Variants in THADA observed in about 807,000 individuals in gnomAD.
THADA encodes tRNA (32-2'-O)-methyltransferase regulator THADA.
A neutral mutation model predicts 219.8 loss-of-function variants in THADA; 213 were observed. The ratio of observed to expected loss-of-function variants is 0.97; its 90% CI spans 0.87 to 1.09. The LOEUF is 1.09. Among genes scored for constraint, THADA ranks in the 50% least tolerant of loss-of-function variants. The probability of loss-of-function intolerance (pLI) is 0.00; values close to 1 mark genes in which losing one functional copy is unlikely to be tolerated. For synonymous variants in THADA, 1,018 were observed against 828.9 expected (o/e 1.23, Z -3.92); for missense variants, 2,956 against 2,311.3 (o/e 1.28, Z -5.72).
intron 28 of THADA, among the ~76,000 whole-genome samples, chr2:43,415,476 T>C (rs1676830909): frequency 6.6e-6 from 1 of 152,170 alleles, no homozygotes; most frequent in African/African-American, 2.4e-5. Context: ...GCTCCCTTTA[T>C]TCCCTCTCCA....
chr2:43,308,465 G>A (rs1677104549), intron 31 of THADA, among the ~76,000 whole-genome samples: 1 of 152,126 alleles, frequency 6.6e-6, no homozygotes, highest in South Asian at 2.1e-4. Flanking sequence ...AACACTTTGG[G>A]AGGCCACGAT....
chr2:43,562,063 T>C (rs528922016), intron 15 of THADA, among the ~76,000 whole-genome samples: 1 of 152,350 alleles, frequency 6.6e-6, no homozygotes, highest in East Asian at 1.9e-4. Context: ...TATTCTTAAA[T>C]TGACCCACCC....
chr2:43,506,732 T>C (rs1028412598), intron 23 of THADA, among the ~76,000 whole-genome samples: 3 of 152,336 alleles, frequency 2.0e-5, no homozygotes, highest in South Asian at 4.1e-4. Context: ...GTGAATTACA[T>C]CTCAATAAAG....
intron 28 of THADA, among the ~76,000 whole-genome samples, chr2:43,409,044 T>A (rs1675950848): frequency 6.6e-6 from 1 of 152,324 alleles, no homozygotes; most frequent in Non-Finnish European, 1.5e-5. Flanking sequence ...CCACTCCAAC[T>A]CCTTTCATCA....
intron 29 of THADA, among the ~76,000 whole-genome samples, chr2:43,346,878 C>T (rs1474651492): frequency 6.6e-6 from 1 of 152,218 alleles, no homozygotes; most frequent in East Asian, 1.9e-4. Flanking sequence ...CCTCCCCCTC[C>T]AACAAGTCTG....
chr2:43,340,435 C>G (rs141305417), intron 30 of THADA, among the ~76,000 whole-genome samples: 1 of 152,290 alleles, frequency 6.6e-6, no homozygotes, highest in East Asian at 1.9e-4. Context: ...ATTTCAGAGT[C>G]AAAATTTAAA....
intron 26 of THADA, chr2:43,430,564 C>T: frequency 2.1e-6 from 1 of 477,150 alleles, no homozygotes; most frequent in Non-Finnish European, 4.0e-6. Context: ...TAAATTTTAT[C>T]AGGGAAGAAA....
At position 43,327,478 on chromosome 2, in the gene THADA, AG is replaced by A. The variant is rs144594631; in HGVS notation, c.4344-6939del. ...AAGGGGAGTGGGGGGAGAAGTAAAG[AG>A]GGGGGGTGGTTAGAAGAATGGGAGA... On this transcript the variant is annotated intron_variant, in intron 30 of 37. Transcript: ENST00000405975. Among the ~76,000 whole-genome samples the A allele has an allele frequency of 6.6e-4, 77 of 117,300 alleles. 4 individuals carry two copies. In the East Asian group the frequency reaches 0.02, roughly 30 times the overall value. The allele number at this position is 117,300 out of a possible 152,430, so 77.0% of individuals were successfully genotyped here.
intron 30 of THADA, among the ~76,000 whole-genome samples, chr2:43,334,050 C>A (rs949070900): frequency 2.6e-5 from 4 of 152,184 alleles, no homozygotes; most frequent in African/African-American, 7.2e-5. Context: ...TAGCCACAGA[C>A]CCCCTAGGGA....
chr2:43,459,136 T>A (rs2104922235), intron 26 of THADA, among the ~76,000 whole-genome samples: 1 of 152,328 alleles, frequency 6.6e-6, no homozygotes, highest in East Asian at 1.9e-4. Flanking sequence ...TTTAAGATAC[T>A]TTCTTTGCTC....
intron 17 of THADA, among the ~76,000 whole-genome samples, chr2:43,553,307 A>G (rs1696970864): frequency 6.6e-6 from 1 of 152,100 alleles, no homozygotes; most frequent in African/African-American, 2.4e-5. Context: ...CCACCCCAAT[A>G]TTGGTATTTT....
At chr2:43,341,415 A>G (rs1667048368) in intron 30 of THADA, among the ~76,000 whole-genome samples, 1 of 152,152 alleles carries the variant, frequency 6.6e-6, no homozygotes, top group Non-Finnish European at 1.5e-5. Flanking sequence ...GGACCACAGG[A>G]CAGGTTTTAA....
At chr2:43,374,146 T>C (rs1671112056) in intron 29 of THADA, among the ~76,000 whole-genome samples, 4 of 152,240 alleles carry the variant, frequency 2.6e-5, no homozygotes, top group Non-Finnish European at 1.5e-5. Flanking sequence ...ATTAAGCCTA[T>C]GTTTGGAGAA....
At chr2:43,238,797 A>C (rs905260879) in intron 36 of THADA, among the ~76,000 whole-genome samples, 1 of 152,240 alleles carries the variant, frequency 6.6e-6, no homozygotes, top group African/African-American at 2.4e-5. Context: ...GGGAATGAAG[A>C]AGCAGGAGGT....
At chr2:43,392,660 G>A (rs1418292971) in intron 29 of THADA, among the ~76,000 whole-genome samples, 2 of 152,052 alleles carry the variant, frequency 1.3e-5, no homozygotes, top group African/African-American at 2.4e-5. Context: ...TGGCTCTACA[G>A]TAAACACAGA....
intron 25 of THADA, among the ~76,000 whole-genome samples, chr2:43,497,022 A>C (rs192665285): frequency 0.014 from 2,102 of 152,312 alleles, 41 homozygotes; most frequent in Middle Eastern, 0.044. Context: ...GTGATTACTA[A>C]AAAGTCAAGA....
At chr2:43,364,589 T>C (rs1669915024) in intron 29 of THADA, among the ~76,000 whole-genome samples, 1 of 152,222 alleles carries the variant, frequency 6.6e-6, no homozygotes, top group South Asian at 2.1e-4. Flanking sequence ...AGGCATTCTA[T>C]TATATATACT....
At chr2:43,525,515 A>G (rs1439313632) in intron 22 of THADA, among the ~76,000 whole-genome samples, 1 of 152,190 alleles carries the variant, frequency 6.6e-6, no homozygotes, top group African/African-American at 2.4e-5. Context: ...AAGCTGCCAT[A>G]TAAGAATTTC....
At chr2:43,347,196 G>A (rs979001520) in intron 29 of THADA, among the ~76,000 whole-genome samples, 5 of 152,168 alleles carry the variant, frequency 3.3e-5, no homozygotes, top group Admixed American at 6.5e-5. Context: ...TCAGTTTTGC[G>A]GCTTTGGGCA....
Sources: allele counts gnomAD v4.1 joint callset (sites outside exome capture counted in the v4.1 genomes callset), GRCh38; gene constraint gnomAD v4.1.1; transcripts MANE v1.5; gene names NCBI Gene and HGNC (gene_info 2026-07-23, HGNC 2026-07-21).